Variants in UBR1 observed in about 807,000 individuals in gnomAD.
UBR1 encodes the protein ubiquitin protein ligase E3 component n-recognin 1.
A neutral mutation model predicts 242.1 loss-of-function variants in UBR1; 102 were observed. That is an observed-to-expected ratio of 0.42 (90% CI 0.36 to 0.50). The LOEUF is 0.50. Ranked by LOEUF, UBR1 falls within the 20% of genes least tolerant of loss-of-function variation. UBR1 has a pLI of 0.01. For missense variants in UBR1, 1,772 were observed against 2,101.8 expected, an observed-to-expected ratio of 0.84 and a Z score of 3.07; for synonymous variants, 675 against 684.8, an observed-to-expected ratio of 0.99 and a Z score of 0.22.
chr15:43,080,391 C>A (rs910849537), intron 3 of UBR1, among the ~76,000 whole-genome samples: 1 of 152,296 alleles, frequency 6.6e-6, no homozygotes, highest in Admixed American at 6.5e-5. Flanking sequence ...CCACTAGCAA[C>A]CACTGATTTT....
At chr15:43,028,077 A>G (rs1204070547) in intron 21 of UBR1, among the ~76,000 whole-genome samples, 2 of 152,226 alleles carry the variant, frequency 1.3e-5, no homozygotes, top group Non-Finnish European at 2.9e-5. Context: ...ATATGTGTGT[A>G]TAAGTACACA....
chr15:43,021,751 T>C (rs1260489496), intron 26 of UBR1, among the ~76,000 whole-genome samples: 3 of 152,192 alleles, frequency 2.0e-5, no homozygotes, highest in African/African-American at 4.8e-5. Context: ...CCCACAGATA[T>C]GGAGGGTCAA....
chr15:42,969,750 T>C (rs1484003662), intron 40 of UBR1, among the ~76,000 whole-genome samples: 1 of 152,110 alleles, frequency 6.6e-6, no homozygotes, highest in East Asian at 1.9e-4. Context: ...CATTCACAAT[T>C]GCTACAAAGA....
At chr15:43,018,410 G>A (rs1468868513) in intron 27 of UBR1, among the ~76,000 whole-genome samples, 3 of 151,902 alleles carry the variant, frequency 2.0e-5, no homozygotes, top group Admixed American at 6.5e-5. Flanking sequence ...TCATTCATTC[G>A]ACAGAGTTTC....
At position 42,966,160 on chromosome 15, in the gene UBR1, C is replaced by T; in HGVS notation, c.4584G>A (p.Leu1528=). 1.2e-6 allele frequency: 2 copies of T among 1,614,124 alleles called. No individual in the cohort carries two copies. Among genetic ancestry groups the T allele is most frequent in the South Asian group, 2.2e-5 (2 of 91,082 alleles). The change falls in exon 41 of 47, where the codon CTG becomes CTA. Residue 1528 remains leucine (L), a synonymous_variant. Transcript: ENST00000290650. ...YLLGVTPPEE[L]HTNSAEGEYS... is the part of the protein sequence containing the mutation. ...TTTCATTTTTCTACTTACTGGTATG[C>T]AGTTCCTCAGGCGGAGTTACCCCAA...
intron 3 of UBR1, among the ~76,000 whole-genome samples, chr15:43,075,665 G>C (rs1048789799): frequency 6.6e-6 from 1 of 151,470 alleles, no homozygotes. Context: ...GCCCAGGCTG[G>C]AGTGCAATGG....
intron 4 of UBR1, 137 bp downstream of exon 4, chr15:43,074,842 A>T (rs902702815): frequency 2.8e-6 from 2 of 702,448 alleles, no homozygotes; most frequent in South Asian, 1.7e-5. Flanking sequence ...GGAGCTAGAA[A>T]AAAAGCCTCC....
chr15:42,962,198 C>T (rs1444919553), intron 42 of UBR1, among the ~76,000 whole-genome samples: 3 of 151,896 alleles, frequency 2.0e-5, no homozygotes, highest in African/African-American at 7.3e-5. Flanking sequence ...AAACAGAAAC[C>T]ATTCTAAGTA....
At chr15:43,055,619 A>T (rs2033607959) in intron 11 of UBR1, among the ~76,000 whole-genome samples, 1 of 152,176 alleles carries the variant, frequency 6.6e-6, no homozygotes, top group South Asian at 2.1e-4. Flanking sequence ...AATTCCAGAC[A>T]AGAAAAGAAG....
intron 27 of UBR1, among the ~76,000 whole-genome samples, chr15:43,017,936 T>A (rs1052110776): frequency 8.6e-5 from 13 of 151,988 alleles, no homozygotes; most frequent in Non-Finnish European, 1.9e-4. Flanking sequence ...CCATACATAC[T>A]GTTTCACACA....
intron 8 of UBR1, 97 bp downstream of exon 8, chr15:43,059,597 AAAAAAAAG>A: frequency 5.0e-6 from 7 of 1,401,966 alleles, no homozygotes; most frequent in South Asian, 2.7e-5. Context: ...CCAAAAAAAA[AAAAAAAAG>A]AAAAACTTTA....
At chr15:42,950,562 A>C (rs1393956766) in intron 45 of UBR1, 199 bp from the exon 46 acceptor site, 2 of 585,170 alleles carry the variant, frequency 3.4e-6, no homozygotes, top group East Asian at 2.9e-5. Context: ...TGTTGAAGCT[A>C]TAGAAAAGGA....
chr15:42,989,274 A>C (rs1373929795), intron 34 of UBR1, among the ~76,000 whole-genome samples: 1 of 152,208 alleles, frequency 6.6e-6, no homozygotes, highest in Non-Finnish European at 1.5e-5. Flanking sequence ...CTAATTAAAA[A>C]CCAGACTGAA....
At chr15:43,018,008 GT>G (rs869188283) in intron 27 of UBR1, among the ~76,000 whole-genome samples, 141 of 138,272 alleles carry the variant, frequency 1.0e-3, no homozygotes, top group Non-Finnish European at 9.8e-4. Flanking sequence ...TTGGTTTGTT[GT>G]TTTTTTTTTT....
At chr15:42,974,788 T>C (rs2032263036) in intron 39 of UBR1, among the ~76,000 whole-genome samples, 1 of 152,166 alleles carries the variant, frequency 6.6e-6, no homozygotes, top group South Asian at 2.1e-4. Context: ...TTCCTATTTT[T>C]TTTTAGAGAC....
At chr15:43,001,432 C>T (rs542857406) in intron 32 of UBR1, among the ~76,000 whole-genome samples, 30 of 152,370 alleles carry the variant, frequency 2.0e-4, no homozygotes, top group African/African-American at 7.0e-4. Flanking sequence ...CAGGTGTAAG[C>T]CATGGCGTCC....
Position 42,988,876 on chromosome 15 carries a change from C to G in UBR1, c.3940G>C (p.Asp1314His). 6.2e-7 allele frequency: 1 copy of G among 1,614,170 alleles called. No homozygotes were observed. Among genetic ancestry groups the G allele is most frequent in the Middle Eastern group, 1.6e-4 (1 of 6,062 alleles). Reference protein sequence around the residue: ...IGLKVPPDERDPRVPMLTWST... With the variant: ...IGLKVPPDERHPRVPMLTWST... ...CAGGTCAGCATGGGGACTCGAGGAT[C>G]CCTTTCATCAGGTGGCACTTTCAAT... Residue 1314 changes from aspartate to histidine, a missense_variant, in exon 35 of 47, where the codon GAT (aspartate) becomes CAT (histidine). By Grantham distance (81) the Asp-to-His change is moderately conservative. Transcript: ENST00000290650.
At chr15:43,005,203 G>A (rs1240296278) in intron 30 of UBR1, among the ~76,000 whole-genome samples, 3 of 152,112 alleles carry the variant, frequency 2.0e-5, no homozygotes. Context: ...TCTGGGAAGT[G>A]AGGAGCATCT....
intron 33 of UBR1, 97 bp from the exon 34 acceptor site, chr15:42,990,217 C>G (rs1468030436): frequency 9.1e-6 from 8 of 881,274 alleles, no homozygotes; most frequent in Non-Finnish European, 1.3e-5. Context: ...GACAGTCTCA[C>G]TCTGTCACCC....
Sources: gnomAD v4.1 joint callset for allele counts (sites outside exome capture counted in the v4.1 genomes callset) on GRCh38, gnomAD v4.1.1 for gene constraint, MANE v1.5 for transcripts, NCBI Gene and HGNC (gene_info 2026-07-23, HGNC 2026-07-21) for gene names.